The following CA8 variants were observed in gnomAD, a reference collection of about 807,000 sequenced individuals.
CA8 encodes carbonic anhydrase-related protein.
Under a neutral mutation model 41.4 loss-of-function variants are expected in CA8, and 22 were observed. The observed-to-expected ratio is 0.53, with a 90% confidence interval of 0.38 to 0.76. CA8 has a LOEUF of 0.76. CA8 is among the 30% of genes least tolerant of loss of function. The pLI, the probability that CA8 is intolerant of heterozygous loss-of-function variation, is 0.00. For synonymous variants in CA8, 121 were observed against 130.6 expected (o/e 0.93, Z 0.50); for missense variants, 270 against 352.8 (o/e 0.77, Z 1.88).
chr8:60,267,183 G>T (rs541501145), intron 2 of CA8, among the ~76,000 whole-genome samples: 1 of 152,332 alleles, frequency 6.6e-6, no homozygotes, highest in Admixed American at 6.5e-5. Context: ...ATTTAAGGCT[G>T]CTTATGTCAA....
chr8:60,268,834 TTTA>T (rs1352637263), intron 2 of CA8, among the ~76,000 whole-genome samples: 1 of 146,828 alleles, frequency 6.8e-6, no homozygotes, highest in Non-Finnish European at 1.5e-5. Flanking sequence ...ACTACACAGG[TTTA>T]TTAACTGTCA....
chr8:60,270,438 T>C (rs556928489), intron 2 of CA8, among the ~76,000 whole-genome samples: 6 of 152,314 alleles, frequency 3.9e-5, no homozygotes, highest in African/African-American at 1.4e-4. Flanking sequence ...CTTTTTGAGA[T>C]GGAGTCTTGC....
In CA8 at chr8:60,192,937, G is replaced by GCACACACACA. The variant is rs377257462; in HGVS notation, c.*36-2962_*36-2953dup. 3.6e-3 allele frequency among the ~76,000 whole-genome samples: 511 copies of GCACACACACA among 140,752 alleles called. 4 individuals are homozygous for GCACACACACA. Among genetic ancestry groups the GCACACACACA allele is most frequent in the East Asian group, 0.017 (77 of 4,538 alleles). 92.3% of individuals were successfully genotyped at this position (140,752 alleles called of 152,430 possible). A position where few individuals can be genotyped will look rare whatever the true frequency, so the allele number is the denominator to read the frequency against. On this transcript the variant is annotated intron_variant, in intron 8 of 8. Coordinates refer to ENST00000317995, the MANE Select transcript of CA8 (RefSeq NM_004056.6). ...CCCTCTTTCCTCCTGTCAACATCAT[G>GCACACACACA]CACACACACACACACACACACACAC...
chr8:60,275,775 G>GGCATATGGTT (rs1272679067), intron 2 of CA8, among the ~76,000 whole-genome samples: 1 of 152,076 alleles, frequency 6.6e-6, no homozygotes, highest in East Asian at 1.9e-4. Flanking sequence ...ATCCCACCAA[G>GGCATATGGTT]GCATATGGTT....
chr8:60,275,467 T>TTA (rs530008746), intron 2 of CA8, among the ~76,000 whole-genome samples: 5 of 150,882 alleles, frequency 3.3e-5, no homozygotes, highest in African/African-American at 9.7e-5. Flanking sequence ...GTATTTTTTT[T>TTA]AAAAAAAAAG....
intron 3 of CA8, among the ~76,000 whole-genome samples, chr8:60,262,789 G>A (rs755625636): frequency 6.6e-6 from 1 of 152,240 alleles, no homozygotes; most frequent in Non-Finnish European, 1.5e-5. Flanking sequence ...TTTACCAGAT[G>A]AGAGCATGAT....
intron 3 of CA8, among the ~76,000 whole-genome samples, chr8:60,235,351 T>C (rs894457365): frequency 2.0e-5 from 3 of 152,222 alleles, no homozygotes; most frequent in Admixed American, 1.3e-4. Context: ...GATTAGGGCA[T>C]GCCTAATGAC....
intron 8 of CA8, among the ~76,000 whole-genome samples, chr8:60,206,017 C>T (rs1318029349): frequency 6.6e-6 from 1 of 152,176 alleles, no homozygotes; most frequent in Non-Finnish European, 1.5e-5. Context: ...AGTACACACA[C>T]ATAAGTCTGA....
chr8:60,258,958 C>T (rs1377052358), intron 3 of CA8, among the ~76,000 whole-genome samples: 1 of 152,144 alleles, frequency 6.6e-6, no homozygotes, highest in African/African-American at 2.4e-5. Context: ...TCTAAATACT[C>T]GCCCATTTAG....
intron 7 of CA8, among the ~76,000 whole-genome samples, chr8:60,220,682 T>C (rs1309725744): frequency 1.3e-5 from 2 of 152,192 alleles, no homozygotes; most frequent in Non-Finnish European, 2.9e-5. Context: ...CCTACTCAGC[T>C]TGAGCTATGG....
At chr8:60,249,386 T>C (rs1808363217) in intron 3 of CA8, among the ~76,000 whole-genome samples, 1 of 152,170 alleles carries the variant, frequency 6.6e-6, no homozygotes, top group African/African-American at 2.4e-5. Context: ...AGTGGTGTCT[T>C]CCATTGTTTA....
chr8:60,242,995 C>T (rs1485689054), intron 3 of CA8, among the ~76,000 whole-genome samples: 1 of 152,216 alleles, frequency 6.6e-6, no homozygotes, highest in African/African-American at 2.4e-5. Context: ...AGCCAGATCA[C>T]CGCCATAGAG....
At chr8:60,215,975 T>C (rs1807007331) in intron 7 of CA8, among the ~76,000 whole-genome samples, 1 of 152,240 alleles carries the variant, frequency 6.6e-6, no homozygotes, top group Non-Finnish European at 1.5e-5. Flanking sequence ...TACATAAACC[T>C]TATGGTATAG....
At chr8:60,244,439 C>T (rs777900635) in intron 3 of CA8, among the ~76,000 whole-genome samples, 2 of 152,224 alleles carry the variant, frequency 1.3e-5, no homozygotes, top group East Asian at 1.9e-4. Context: ...TATCTTTTTA[C>T]AATCTTGATA....
At chr8:60,193,664 A>G (rs1037220496) in intron 8 of CA8, among the ~76,000 whole-genome samples, 2 of 152,196 alleles carry the variant, frequency 1.3e-5, no homozygotes, top group Non-Finnish European at 2.9e-5. Context: ...TCTGGTATTC[A>G]AATTCCAGAT....
At chr8:60,227,234 A>C (rs1459513752) in intron 4 of CA8, among the ~76,000 whole-genome samples, 4 of 152,132 alleles carry the variant, frequency 2.6e-5, no homozygotes, top group African/African-American at 4.8e-5. Flanking sequence ...GAGAGGTTGC[A>C]GTGAGCCAAG....
In CA8 at chr8:60,206,969, C is replaced by T. The variant is rs114820076; in HGVS notation, c.*35+1781G>A. Among the ~76,000 whole-genome samples the T allele has an allele frequency of 5.0e-3, 762 of 152,270 alleles. 6 individuals carry two copies. Among genetic ancestry groups the T allele is most frequent in the African/African-American group, 0.017 (714 of 41,556 alleles). On this transcript the variant is annotated intron_variant, in intron 8 of 8. Coordinates refer to ENST00000317995, the MANE Select transcript of CA8 (RefSeq NM_004056.6). ...AAAAAAAAAAAGACTTCTTCAATCC[C>T]ACCCCGTCTCTGTTGCTGCGGCCTC...
intron 2 of CA8, among the ~76,000 whole-genome samples, chr8:60,270,683 G>T (rs182842510): frequency 6.6e-6 from 1 of 152,132 alleles, no homozygotes; most frequent in African/African-American, 2.4e-5. Flanking sequence ...CCCAAAGTGC[G>T]TAGATTACAG....
chr8:60,275,531 G>A (rs1243784380), intron 2 of CA8, among the ~76,000 whole-genome samples: 2 of 151,104 alleles, frequency 1.3e-5, no homozygotes, highest in African/African-American at 4.9e-5. Flanking sequence ...CAAGAAAGCA[G>A]AAAGTAAGAG....
Sources: allele counts gnomAD v4.1 joint callset (sites outside exome capture counted in the v4.1 genomes callset), GRCh38; gene constraint gnomAD v4.1.1; transcripts MANE v1.5; gene names NCBI Gene and HGNC (gene_info 2026-07-23, HGNC 2026-07-21).